Variants in COL21A1 observed in about 807,000 individuals in gnomAD.
COL21A1 encodes the protein collagen alpha-1(XXI) chain.
COL21A1 carries 149 observed loss-of-function variants against 137.9 expected under a neutral mutation model. The ratio of observed to expected loss-of-function variants is 1.08; its 90% CI spans 0.95 to 1.24. The LOEUF (loss-of-function observed/expected upper bound fraction) is 1.24, where lower values mean the gene tolerates loss of function less well. Ranked by LOEUF, COL21A1 falls within the 50% of genes most tolerant of loss-of-function variation. COL21A1 has a pLI of 0.00. For synonymous variants in COL21A1, 456 were observed against 391.5 expected, an observed-to-expected ratio of 1.16 and a Z score of -1.95; for missense variants, 1,167 against 1,158.4, an observed-to-expected ratio of 1.01 and a Z score of -0.11.
chr6:56,372,757 G>A (rs2093991778), intron 1 of COL21A1, among the ~76,000 whole-genome samples: 1 of 152,102 alleles, frequency 6.6e-6, no homozygotes, highest in Non-Finnish European at 1.5e-5. Flanking sequence ...CCTTTATGTT[G>A]GCTTAATTCT....
At chr6:56,164,628 A>G (rs555427485) in intron 8 of COL21A1, 122 bp from the exon 9 acceptor site, 3 of 891,738 alleles carry the variant, frequency 3.4e-6, no homozygotes, top group South Asian at 3.5e-5. Flanking sequence ...TTCACTTTCA[A>G]ATTTTATCTA....
intron 1 of COL21A1, among the ~76,000 whole-genome samples, chr6:56,269,444 A>G (rs1451765578): frequency 2.0e-5 from 3 of 151,802 alleles, no homozygotes; most frequent in African/African-American, 7.3e-5. Context: ...TCACGAGGTC[A>G]GGAGATCGAG....
chr6:56,172,648 C>T (rs2328677), intron 3 of COL21A1, among the ~76,000 whole-genome samples: 115,358 of 151,972 alleles, frequency 0.76, 44,437 homozygotes, highest in African/African-American at 0.88. Flanking sequence ...AATACTGTAA[C>T]AGTGTGCATA....
At chr6:56,331,442 A>T (rs6907967) in intron 1 of COL21A1, among the ~76,000 whole-genome samples, 8 of 151,876 alleles carry the variant, frequency 5.3e-5, no homozygotes, top group Admixed American at 3.3e-4. Context: ...ATCCATCTTG[A>T]GTTAATTTTT....
At chr6:56,311,349 G>GC (rs1242990491) in intron 1 of COL21A1, among the ~76,000 whole-genome samples, 2 of 152,220 alleles carry the variant, frequency 1.3e-5, no homozygotes, top group East Asian at 3.9e-4. Flanking sequence ...CCTTGGCAGA[G>GC]AGTCACTCGG....
chr6:56,158,253 C>CTTTTTTTTTTTCTT (rs1775911506), intron 9 of COL21A1, among the ~76,000 whole-genome samples: 3 of 104,904 alleles, frequency 2.9e-5, no homozygotes, highest in African/African-American at 1.1e-4. Context: ...TGGGTTTTTT[C>CTTTTTTTTTTTCTT]TTTTTTTTTT....
At chr6:56,172,615 T>A (rs1185557651) in intron 3 of COL21A1, among the ~76,000 whole-genome samples, 8 of 152,046 alleles carry the variant, frequency 5.3e-5, no homozygotes, top group Admixed American at 5.2e-4. Context: ...AAAGTAAATA[T>A]ATAGACAGAC....
At chr6:56,177,369 G>A (rs1484307564) in intron 3 of COL21A1, among the ~76,000 whole-genome samples, 2 of 152,070 alleles carry the variant, frequency 1.3e-5, no homozygotes. Context: ...CAACATAGAA[G>A]TTAAGTATGT....
chr6:56,218,185 C>T (rs1780607302), intron 1 of COL21A1, among the ~76,000 whole-genome samples: 1 of 151,930 alleles, frequency 6.6e-6, no homozygotes, highest in South Asian at 2.1e-4. Context: ...GATAGTCAAA[C>T]TTTGCTGAAT....
chr6:56,059,296 TTGTTTCATTCAAAGC>T, intron 28 of COL21A1, 54 bp from the exon 29 acceptor site: 3 of 1,252,784 alleles, frequency 2.4e-6, no homozygotes, highest in Non-Finnish European at 3.3e-6. Flanking sequence ...GCCTTCTAGA[TTGTTTCATTCAAAGC>T]TGTTAATATA....
At chr6:56,084,202 T>G (rs897925429) in intron 17 of COL21A1, among the ~76,000 whole-genome samples, 1 of 149,396 alleles carries the variant, frequency 6.7e-6, no homozygotes, top group Non-Finnish European at 1.5e-5. Flanking sequence ...AAATATTGCC[T>G]AAGTATGCAG....
intron 1 of COL21A1, among the ~76,000 whole-genome samples, chr6:56,201,899 A>G (rs901527456): frequency 2.0e-5 from 3 of 152,170 alleles, no homozygotes; most frequent in African/African-American, 7.2e-5. Flanking sequence ...ATGAGAAACT[A>G]AAGCATTCAT....
chr6:56,173,385 G>A (rs190179971), intron 3 of COL21A1, among the ~76,000 whole-genome samples: 2 of 151,162 alleles, frequency 1.3e-5, no homozygotes, highest in East Asian at 1.9e-4. Flanking sequence ...AAAGGGAAAG[G>A]AGAAGGGGAA....
chr6:56,145,330 T>C (rs1774751904), intron 10 of COL21A1, among the ~76,000 whole-genome samples: 1 of 152,170 alleles, frequency 6.6e-6, no homozygotes, highest in Admixed American at 6.5e-5. Flanking sequence ...ATTCTTAAAG[T>C]ACTAATTGCA....
intron 23 of COL21A1, 23 bp from the exon 24 acceptor site, chr6:56,064,645 A>G: frequency 6.5e-7 from 1 of 1,534,168 alleles, no homozygotes; most frequent in Non-Finnish European, 8.9e-7. Flanking sequence ...AAAAAACATT[A>G]TTGATTAGTT....
chr6:56,205,416 G>A (rs1335581770), intron 1 of COL21A1, among the ~76,000 whole-genome samples: 7 of 152,092 alleles, frequency 4.6e-5, no homozygotes, highest in African/African-American at 1.2e-4. Flanking sequence ...GAAATAAAGC[G>A]AGAAGACAAG....
At chr6:56,116,816 G>A (rs1771972433) in intron 16 of COL21A1, among the ~76,000 whole-genome samples, 1 of 151,984 alleles carries the variant, frequency 6.6e-6, no homozygotes, top group African/African-American at 2.4e-5. Context: ...GGGGCACAAA[G>A]TTAAGGCAAG....
At chr6:56,325,215 G>C (rs112339492) in intron 1 of COL21A1, among the ~76,000 whole-genome samples, 1,587 of 94,874 alleles carry the variant, frequency 0.017, 51 homozygotes, top group African/African-American at 0.061. Context: ...TAGGAGCCTT[G>C]GTCATGAACC....
intron 1 of COL21A1, among the ~76,000 whole-genome samples, chr6:56,388,697 T>C (rs551818780): frequency 7.9e-5 from 12 of 152,284 alleles, no homozygotes; most frequent in African/African-American, 2.6e-4. Flanking sequence ...ACTGCAAAGA[T>C]AGAAATAAAT....
Sources: gnomAD v4.1 joint callset for allele counts (sites outside exome capture counted in the v4.1 genomes callset) on GRCh38, gnomAD v4.1.1 for gene constraint, MANE v1.5 for transcripts, NCBI Gene and HGNC (gene_info 2026-07-23, HGNC 2026-07-21) for gene names.